Variants in PLEKHA5 observed in about 807,000 individuals in gnomAD.
PLEKHA5 encodes the protein pleckstrin homology domain containing A5.
Under a neutral mutation model 181.9 loss-of-function variants are expected in PLEKHA5, and 55 were observed. The ratio of observed to expected loss-of-function variants is 0.30; its 90% CI spans 0.24 to 0.38. PLEKHA5 has a LOEUF of 0.38. Among genes scored for constraint, PLEKHA5 ranks in the 10% least tolerant of loss-of-function variants. The probability of loss-of-function intolerance (pLI) is 1.00; values close to 1 mark genes in which losing one functional copy is unlikely to be tolerated. For synonymous variants in PLEKHA5, 535 were observed against 529.4 expected (o/e 1.01, Z -0.15); for missense variants, 1,432 against 1,549.5 (o/e 0.92, Z 1.27).
At chr12:19,152,412 C>T (rs1451656234) in intron 3 of PLEKHA5, 1 of 152,172 alleles carries the variant, frequency 6.6e-6, no homozygotes, top group South Asian at 2.1e-4. Flanking sequence ...TAGATAGAGA[C>T]TGTACATGAA....
intron 3 of PLEKHA5, among the ~76,000 whole-genome samples, chr12:19,246,242 T>A (rs376399795): frequency 1.2e-3 from 182 of 151,992 alleles, no homozygotes; most frequent in Middle Eastern, 3.4e-3. Flanking sequence ...CCTCCCAAAG[T>A]GCTGGGATTA....
intron 20 of PLEKHA5, among the ~76,000 whole-genome samples, chr12:19,328,089 GC>G (rs1460826898): frequency 6.6e-6 from 1 of 152,072 alleles, no homozygotes; most frequent in Non-Finnish European, 1.5e-5. Flanking sequence ...TGAATAAGAA[GC>G]CCTTTCCACA....
chr12:19,355,399 T>C (rs1441019535), intron 26 of PLEKHA5, among the ~76,000 whole-genome samples: 1 of 148,966 alleles, frequency 6.7e-6, no homozygotes, highest in Non-Finnish European at 1.5e-5. Context: ...TTGCCTGGGC[T>C]GAAGTGCAGT....
intron 20 of PLEKHA5, among the ~76,000 whole-genome samples, chr12:19,328,596 TG>T (rs1331257939): frequency 9.7e-5 from 14 of 143,646 alleles, no homozygotes; most frequent in African/African-American, 2.6e-4. Flanking sequence ...TGTGTGTGTG[TG>T]TATTGTAAAT....
intron 3 of PLEKHA5, among the ~76,000 whole-genome samples, chr12:19,219,003 A>G (rs1372246270): frequency 6.6e-6 from 1 of 151,352 alleles, no homozygotes; most frequent in African/African-American, 2.4e-5. Context: ...GCAGGTTACA[A>G]ATAATTATTA....
At chr12:19,184,618 G>T (rs1316545774) in intron 3 of PLEKHA5, among the ~76,000 whole-genome samples, 1 of 152,186 alleles carries the variant, frequency 6.6e-6, no homozygotes, top group Admixed American at 6.5e-5. Context: ...ATGTCTGAAT[G>T]ATCAGATCAT....
chr12:19,206,575 G>T (rs897494321), intron 3 of PLEKHA5, among the ~76,000 whole-genome samples: 2 of 152,048 alleles, frequency 1.3e-5, no homozygotes, highest in African/African-American at 4.8e-5. Flanking sequence ...GAAAAATGAT[G>T]TGGGGGGTGG....
chr12:19,254,858 A>G (rs1312532784), intron 4 of PLEKHA5, among the ~76,000 whole-genome samples, 187 bp from the exon 5 acceptor site: 1 of 152,178 alleles, frequency 6.6e-6, no homozygotes, highest in African/African-American at 2.4e-5. Flanking sequence ...ATAATAATGT[A>G]TTTTTGGCTT....
chr12:19,146,422 T>C (rs778744831), intron 3 of PLEKHA5, among the ~76,000 whole-genome samples: 12 of 152,258 alleles, frequency 7.9e-5, no homozygotes, highest in Non-Finnish European at 1.0e-4. Context: ...ATTTGTATTT[T>C]TGATATCTAG....
chr12:19,231,572 A>C, intron 3 of PLEKHA5, among the ~76,000 whole-genome samples: 1 of 140,604 alleles, frequency 7.1e-6, no homozygotes, highest in Non-Finnish European at 1.5e-5. Flanking sequence ...GTACACATAT[A>C]TATGTATATA....
At chr12:19,241,167 A>G (rs1022720419) in intron 3 of PLEKHA5, among the ~76,000 whole-genome samples, 2 of 152,226 alleles carry the variant, frequency 1.3e-5, no homozygotes, top group Admixed American at 6.5e-5. Context: ...ATCTGATTCT[A>G]CTAACACATT....
chr12:19,359,132 G>A (rs913285203), intron 27 of PLEKHA5, among the ~76,000 whole-genome samples: 8 of 152,120 alleles, frequency 5.3e-5, no homozygotes, highest in African/African-American at 1.2e-4. Flanking sequence ...TCTTTCCACC[G>A]AATCAAGTGC....
At chr12:19,156,109 C>G (rs1025804299) in intron 3 of PLEKHA5, among the ~76,000 whole-genome samples, 2 of 152,038 alleles carry the variant, frequency 1.3e-5, no homozygotes, top group Admixed American at 6.6e-5. Context: ...TCAGTTATCG[C>G]GCAAAGTTCT....
chr12:19,336,653 G>T, intron 21 of PLEKHA5, 37 bp downstream of exon 21: 1 of 1,119,890 alleles, frequency 8.9e-7, no homozygotes, highest in South Asian at 1.3e-5. Context: ...TGTTTTAACT[G>T]TTTTTACTGG....
At chr12:19,270,125 A>C in intron 9 of PLEKHA5, 63 bp from the exon 10 acceptor site, 1 of 973,544 alleles carries the variant, frequency 1.0e-6, no homozygotes, top group Non-Finnish European at 1.5e-6. Flanking sequence ...ATTTTCACCT[A>C]TCGGTGTACT....
chr12:19,223,617 A>C (rs2152320036), intron 3 of PLEKHA5, among the ~76,000 whole-genome samples: 1 of 152,314 alleles, frequency 6.6e-6, no homozygotes, highest in East Asian at 1.9e-4. Flanking sequence ...TTGTGAGCTG[A>C]GATAAACAAA....
At chr12:19,344,666 A>G (rs1211097446) in intron 22 of PLEKHA5, among the ~76,000 whole-genome samples, 1 of 152,198 alleles carries the variant, frequency 6.6e-6, no homozygotes, top group Non-Finnish European at 1.5e-5. Context: ...CTCCTGAAGG[A>G]TTATTTCACA....
intron 3 of PLEKHA5, chr12:19,200,707 C>T: frequency 1.0e-6 from 1 of 1,002,212 alleles, no homozygotes; most frequent in Non-Finnish European, 1.2e-6. Context: ...CTTTCCAAAA[C>T]CAAGGAAGGA....
chr12:19,294,608 T>G (rs547776404), intron 15 of PLEKHA5, among the ~76,000 whole-genome samples: 1 of 152,236 alleles, frequency 6.6e-6, no homozygotes, highest in South Asian at 2.1e-4. Flanking sequence ...CTCCTGCCCC[T>G]TGTGAGGTAT....
Sources: allele counts gnomAD v4.1 joint callset (sites outside exome capture counted in the v4.1 genomes callset), GRCh38; gene constraint gnomAD v4.1.1; transcripts MANE v1.5; gene names NCBI Gene and HGNC (gene_info 2026-07-23, HGNC 2026-07-21).